The following RAB3C variants were observed in gnomAD, a reference collection of about 807,000 sequenced individuals.
The protein encoded by RAB3C is ras-related protein Rab-3C.
Under a neutral mutation model 26.4 loss-of-function variants are expected in RAB3C, and 17 were observed. The ratio of observed to expected loss-of-function variants is 0.64; its 90% CI spans 0.44 to 0.97. The LOEUF is 0.97. Ranked by LOEUF, RAB3C falls within the 50% of genes least tolerant of loss-of-function variation. The pLI is 0.00. For synonymous variants in RAB3C, 91 were observed against 95.9 expected (o/e 0.95, Z 0.30); for missense variants, 242 against 281.9 (o/e 0.86, Z 1.01).
At chr5:58,621,321 C>T (rs189517438) in intron 2 of RAB3C, among the ~76,000 whole-genome samples, 304 of 152,278 alleles carry the variant, frequency 2.0e-3, no homozygotes, top group African/African-American at 6.7e-3. Flanking sequence ...CCAAATAGAA[C>T]TGTTTCTAAG....
intron 3 of RAB3C, 115 bp from the exon 4 acceptor site, chr5:58,824,923 C>T (rs1743438207): frequency 1.6e-6 from 1 of 634,566 alleles, no homozygotes; most frequent in Non-Finnish European, 2.6e-6. Flanking sequence ...ATTTGGACAT[C>T]GTGTTTTTTT....
At chr5:58,686,494 C>A (rs1445120285) in intron 2 of RAB3C, among the ~76,000 whole-genome samples, 1 of 152,056 alleles carries the variant, frequency 6.6e-6, no homozygotes, top group Non-Finnish European at 1.5e-5. Flanking sequence ...AATAGATTAG[C>A]AATAGTTACT....
In RAB3C at chr5:58,617,495, G is replaced by A. The variant is rs778984691; in HGVS notation, c.25-148G>A. On this transcript the variant is annotated intron_variant, in intron 1 of 4. Coordinates refer to ENST00000282878, the MANE Select transcript of RAB3C (RefSeq NM_138453.4). The stretch of plus-strand genomic sequence containing the variant: ...ATTGCCATGGATACCAATATCAGAG[G>A]AAGACTGGGGAGCACTCACCACTCG... 6.4e-6 allele frequency: 5 copies of A among 782,362 alleles called. No individual in the cohort carries two copies. The South Asian group carries it at 6.8e-5, about 11-fold the overall frequency. 48.5% of individuals were successfully genotyped at this position (782,362 alleles called of 1,614,324 possible). A position where few individuals can be genotyped will look rare whatever the true frequency, so the allele number is the denominator to read the frequency against.
chr5:58,593,217 T>C (rs1281071894), intron 1 of RAB3C, among the ~76,000 whole-genome samples: 1 of 152,176 alleles, frequency 6.6e-6, no homozygotes, highest in African/African-American at 2.4e-5. Context: ...TTGTTCATTT[T>C]AGTTATTGTA....
At chr5:58,813,007 C>T (rs1481116242) in intron 3 of RAB3C, among the ~76,000 whole-genome samples, 1 of 152,146 alleles carries the variant, frequency 6.6e-6, no homozygotes, top group Admixed American at 6.5e-5. Flanking sequence ...GAACCCAGGA[C>T]TTTGAGCTCC....
At chr5:58,759,066 C>G (rs1343208896) in intron 3 of RAB3C, among the ~76,000 whole-genome samples, 1 of 152,188 alleles carries the variant, frequency 6.6e-6, no homozygotes, top group African/African-American at 2.4e-5. Context: ...ATATTACCTC[C>G]CTCCAACATT....
chr5:58,649,975 CCT>C (rs2111784298), intron 2 of RAB3C, among the ~76,000 whole-genome samples: 1 of 152,284 alleles, frequency 6.6e-6, no homozygotes, highest in African/African-American at 2.4e-5. Context: ...CTTTTCCTCC[CCT>C]GTCTATGGTG....
chr5:58,719,218 A>C (rs293028), intron 2 of RAB3C, among the ~76,000 whole-genome samples: 53,981 of 151,880 alleles, frequency 0.36, 10,104 homozygotes, highest in Non-Finnish European at 0.42. Context: ...CTAATAGGAC[A>C]TACATTAGAA....
intron 2 of RAB3C, among the ~76,000 whole-genome samples, chr5:58,657,880 T>C (rs1053561862): frequency 6.6e-6 from 1 of 152,198 alleles, no homozygotes; most frequent in Non-Finnish European, 1.5e-5. Context: ...TAACATAAAT[T>C]ATGGAAAGTA....
In RAB3C at chr5:58,854,467, T is replaced by C. The variant is rs1339860053; in HGVS notation, c.*3116T>C. ...GAATCAGCATTTCAGTTTTTGGAGA[T>C]GGGGATGGAAGTAGAAGGTGCACAA... is the stretch of plus-strand genomic sequence containing the variant. On this transcript the variant is annotated 3_prime_UTR_variant, in exon 5 of 5. Transcript: ENST00000282878. 3.3e-5 allele frequency: 5 copies of C among 152,148 alleles called. No homozygotes were observed. Among genetic ancestry groups the C allele is most frequent in the Non-Finnish European group, 1.5e-5 (1 of 68,022 alleles). The allele number at this position is 152,148 out of a possible 1,614,324, so 9.4% of individuals were successfully genotyped here.
intron 4 of RAB3C, among the ~76,000 whole-genome samples, chr5:58,838,965 C>T (rs1743811359): frequency 7.1e-6 from 1 of 140,736 alleles, no homozygotes; most frequent in Non-Finnish European, 1.5e-5. Context: ...TCCTCTGTCT[C>T]TTTTTATAGC....
At position 58,800,681 on chromosome 5, in the gene RAB3C, TG is replaced by T. The variant is rs376269364; in HGVS notation, c.372-24352del. 9.1e-3 allele frequency among the ~76,000 whole-genome samples: 1,384 copies of T among 152,184 alleles called. 23 individuals carry two copies. The highest frequency in any genetic ancestry group is 0.032 in the African/African-American group (1,320 of 41,520). On this transcript the variant is annotated intron_variant, in intron 3 of 4. Coordinates refer to ENST00000282878, the MANE Select transcript of RAB3C (RefSeq NM_138453.4). ...GAAGGGCAGGGAAAATCACATTTTG[TG>T]GGGGACTGTCGACATTCTTCTGAAT...
chr5:58,731,879 G>A (rs1258388037), intron 3 of RAB3C, among the ~76,000 whole-genome samples: 38 of 152,120 alleles, frequency 2.5e-4, no homozygotes, highest in Admixed American at 2.5e-3. Flanking sequence ...GAGGCAAGGG[G>A]TCTGTGGCAT....
intron 2 of RAB3C, among the ~76,000 whole-genome samples, chr5:58,664,399 T>C (rs1489746470): frequency 6.6e-6 from 1 of 152,182 alleles, no homozygotes; most frequent in African/African-American, 2.4e-5. Flanking sequence ...ATTCCATTAA[T>C]ATAATATTCT....
intron 2 of RAB3C, among the ~76,000 whole-genome samples, chr5:58,634,140 CAA>C (rs34850062): frequency 9.1e-4 from 124 of 136,096 alleles, no homozygotes; most frequent in African/African-American, 1.5e-3. Flanking sequence ...GACTCCATCT[CAA>C]AAAAAAAAAA....
intron 3 of RAB3C, among the ~76,000 whole-genome samples, chr5:58,761,030 TTCTC>T (rs147066692): frequency 0.32 from 45,056 of 140,098 alleles, 7,047 homozygotes; most frequent in Middle Eastern, 0.42. Flanking sequence ...ATCACATTCC[TTCTC>T]TCTCTCTCTC....
At chr5:58,845,954 CATATG>C (rs1384748958) in intron 4 of RAB3C, among the ~76,000 whole-genome samples, 1 of 151,952 alleles carries the variant, frequency 6.6e-6, no homozygotes, top group African/African-American at 2.4e-5. Flanking sequence ...AAAATGGTCT[CATATG>C]AGATATGGTC....
At chr5:58,836,610 C>T (rs1483414919) in intron 4 of RAB3C, among the ~76,000 whole-genome samples, 2 of 152,126 alleles carry the variant, frequency 1.3e-5, no homozygotes, top group African/African-American at 4.8e-5. Context: ...TTTTTAGCTT[C>T]CCCATGTGAT....
chr5:58,597,183 A>AAT (rs1407463937), intron 1 of RAB3C, among the ~76,000 whole-genome samples: 13 of 91,698 alleles, frequency 1.4e-4, no homozygotes, highest in South Asian at 3.3e-4. Flanking sequence ...TATACTACAT[A>AAT]ATATATTATA....
Sources: gnomAD v4.1 joint callset for allele counts (sites outside exome capture counted in the v4.1 genomes callset) on GRCh38, gnomAD v4.1.1 for gene constraint, MANE v1.5 for transcripts, NCBI Gene and HGNC (gene_info 2026-07-23, HGNC 2026-07-21) for gene names.